Variants in FBN2 observed in about 807,000 individuals in gnomAD.
FBN2 encodes the protein fibrillin 2, also known as fibrillin-2.
Under a neutral mutation model 355.6 loss-of-function variants are expected in FBN2, and 105 were observed. The ratio of observed to expected loss-of-function variants is 0.30; its 90% CI spans 0.25 to 0.35. FBN2 has a LOEUF of 0.35. Among genes scored for constraint, FBN2 ranks in the 10% least tolerant of loss-of-function variants. The pLI is 1.00. For missense variants in FBN2, 3,280 were observed against 3,758.7 expected (o/e 0.87, Z 3.33); for synonymous variants, 1,350 against 1,301.2 (o/e 1.04, Z -0.81).
At chr5:128,403,433 T>G (rs1176082625) in intron 8 of FBN2, among the ~76,000 whole-genome samples, 2 of 152,158 alleles carry the variant, frequency 1.3e-5, no homozygotes, top group Non-Finnish European at 2.9e-5. Flanking sequence ...CCCTTTTGGG[T>G]CCCTGTGCTT....
intron 22 of FBN2, 100 bp downstream of exon 22, chr5:128,349,855 T>G: frequency 3.2e-6 from 3 of 932,266 alleles, no homozygotes; most frequent in Non-Finnish European, 5.2e-6. Context: ...AATGTCAAGG[T>G]TTTTGAAAAT....
intron 15 of FBN2, among the ~76,000 whole-genome samples, chr5:128,369,920 G>A (rs998983900): frequency 4.6e-5 from 7 of 152,232 alleles, no homozygotes; most frequent in African/African-American, 1.2e-4. Flanking sequence ...CATTGTGCTC[G>A]TTGCTTTACA....
chr5:128,259,993 T>C (rs368105365), intron 64 of FBN2, among the ~76,000 whole-genome samples, 164 bp from the exon 65 acceptor site: 58 of 152,166 alleles, frequency 3.8e-4, no homozygotes, highest in East Asian at 3.1e-3. Context: ...GAGGCTATTG[T>C]ACATTTTTGT....
intron 21 of FBN2, 102 bp downstream of exon 21, chr5:128,350,766 T>A: frequency 7.6e-7 from 1 of 1,324,350 alleles, no homozygotes; most frequent in Middle Eastern, 2.3e-4. Context: ...AAGTAAATGA[T>A]CTCTGACCTT....
chr5:128,298,821 C>G (rs1267800820), intron 48 of FBN2, among the ~76,000 whole-genome samples: 2 of 152,166 alleles, frequency 1.3e-5, no homozygotes, highest in Non-Finnish European at 2.9e-5. Context: ...TCGTCTGAAG[C>G]CTTCTTCTCT....
intron 57 of FBN2, 80 bp from the exon 58 acceptor site, chr5:128,278,085 A>C (rs761782902): frequency 2.0e-6 from 3 of 1,465,122 alleles, no homozygotes; most frequent in Non-Finnish European, 2.9e-6. Flanking sequence ...AGAGAAATGA[A>C]GAAATGGAGA....
At chr5:128,372,718 C>G (rs1318096869) in intron 15 of FBN2, among the ~76,000 whole-genome samples, 1 of 152,138 alleles carries the variant, frequency 6.6e-6, no homozygotes, top group Non-Finnish European at 1.5e-5. Context: ...TTTTGAACTC[C>G]TGAGCTCAAG....
chr5:128,342,934 G>C (rs1275722760), intron 25 of FBN2, among the ~76,000 whole-genome samples: 1 of 151,992 alleles, frequency 6.6e-6, no homozygotes, highest in Non-Finnish European at 1.5e-5. Flanking sequence ...CTCCATGTTG[G>C]TCAGGCTGGT....
intron 7 of FBN2, among the ~76,000 whole-genome samples, chr5:128,436,665 TTAA>T (rs1753774727): frequency 1.4e-5 from 2 of 138,610 alleles, no homozygotes. Flanking sequence ...GTGGCTCCAC[TTAA>T]AAAAAAAAAA....
chr5:128,434,574 T>C (rs1447741483), intron 7 of FBN2, among the ~76,000 whole-genome samples: 2 of 151,214 alleles, frequency 1.3e-5, no homozygotes, highest in Non-Finnish European at 1.5e-5. Context: ...ATTTGTGAGA[T>C]GGAGAAAGGT....
chr5:128,318,827 G>A, intron 35 of FBN2, 52 bp downstream of exon 35: 1 of 1,589,224 alleles, frequency 6.3e-7, no homozygotes, highest in Non-Finnish European at 8.6e-7. Context: ...GCTTAGCACA[G>A]AATACTCATT....
Position 128,461,512 on chromosome 5 carries a change from A to T in FBN2, c.826+3212T>A, listed in dbSNP as rs556398466. Among the ~76,000 whole-genome samples, 26 of 152,364 alleles carry T rather than the reference A, an allele frequency of 1.7e-4. No individual in the cohort carries two copies. In the East Asian group the frequency reaches 4.6e-3, roughly 27 times the overall value. Reference sequence around the variant, plus strand: ...AATCCCATTAGTGGGTGTATACCCAATGAATTATAAATCACTGTACTATAA... The same window carrying T: ...AATCCCATTAGTGGGTGTATACCCATTGAATTATAAATCACTGTACTATAA... On this transcript the variant is annotated intron_variant, in intron 6 of 64. Transcript: ENST00000262464.
chr5:128,452,749 C>T (rs918314710), intron 6 of FBN2, among the ~76,000 whole-genome samples: 5 of 151,724 alleles, frequency 3.3e-5, no homozygotes, highest in Admixed American at 6.6e-5. Context: ...TTTATGGTTT[C>T]GGGGATACAG....
intron 37 of FBN2, among the ~76,000 whole-genome samples, 200 bp downstream of exon 37, chr5:128,312,434 C>T (rs904786462): frequency 2.0e-5 from 3 of 152,154 alleles, no homozygotes; most frequent in Admixed American, 1.3e-4. Flanking sequence ...TTTAACATAT[C>T]ATGATAAAAC....
At chr5:128,520,375 A>T (rs1333872336) in intron 4 of FBN2, among the ~76,000 whole-genome samples, 1 of 152,202 alleles carries the variant, frequency 6.6e-6, no homozygotes, top group Non-Finnish European at 1.5e-5. Flanking sequence ...GTGTCTCCCT[A>T]TCTACCCACC....
chr5:128,295,999 G>T (rs1333090460), intron 48 of FBN2, among the ~76,000 whole-genome samples: 1 of 151,548 alleles, frequency 6.6e-6, no homozygotes, highest in Non-Finnish European at 1.5e-5. Context: ...TTACTATTTT[G>T]AGATACGTCC....
At chr5:128,485,029 C>CTT (rs60338249) in intron 5 of FBN2, among the ~76,000 whole-genome samples, 42,925 of 149,246 alleles carry the variant, frequency 0.29, 6,282 homozygotes, top group African/African-American at 0.31. Flanking sequence ...CACAAGGAAA[C>CTT]TTTTTTTTTT....
At chr5:128,270,127 A>G (rs1765231106) in intron 62 of FBN2, among the ~76,000 whole-genome samples, 1 of 152,202 alleles carries the variant, frequency 6.6e-6, no homozygotes, top group Non-Finnish European at 1.5e-5. Context: ...GGTGCTGGGA[A>G]AGCTGGCTAG....
At chr5:128,438,295 A>G (rs1245280185) in intron 7 of FBN2, among the ~76,000 whole-genome samples, 1 of 152,184 alleles carries the variant, frequency 6.6e-6, no homozygotes, top group African/African-American at 2.4e-5. Context: ...GCCCGGCTAC[A>G]TTCACCCATT....
Sources: allele counts gnomAD v4.1 joint callset (sites outside exome capture counted in the v4.1 genomes callset), GRCh38; gene constraint gnomAD v4.1.1; transcripts MANE v1.5; gene names NCBI Gene and HGNC (gene_info 2026-07-23, HGNC 2026-07-21).